The following FMN1 variants were observed in gnomAD, a reference collection of about 807,000 sequenced individuals.
FMN1 encodes the protein formin-1.
FMN1 carries 110 observed loss-of-function variants against 132.4 expected under a neutral mutation model. The ratio of observed to expected loss-of-function variants is 0.83; its 90% CI spans 0.71 to 0.97. FMN1 has a LOEUF of 0.97. Among genes scored for constraint, FMN1 ranks in the 50% least tolerant of loss-of-function variants. The pLI is 0.00. For missense variants in FMN1, 1,792 were observed against 1,705.3 expected (o/e 1.05, Z -0.90); for synonymous variants, 722 against 651.7 (o/e 1.11, Z -1.64).
chr15:32,935,694 C>G (rs532679860), intron 9 of FMN1, among the ~76,000 whole-genome samples: 7 of 151,852 alleles, frequency 4.6e-5, no homozygotes, highest in African/African-American at 1.7e-4. Flanking sequence ...ATGGCGTGAT[C>G]TTGGCTCACT....
chr15:33,062,317 T>C (rs1206836252), intron 6 of FMN1, among the ~76,000 whole-genome samples: 2 of 152,142 alleles, frequency 1.3e-5, no homozygotes, highest in Non-Finnish European at 2.9e-5. Flanking sequence ...GTAAAACTCA[T>C]TTAAAGAGTT....
In FMN1 at chr15:33,154,330, C is replaced by A; in HGVS notation, c.585G>T (p.Lys195Asn). The A allele has an allele frequency of 6.5e-7, 1 of 1,536,134 alleles. No homozygotes were observed. ...GAGGAAGGGAGTGGCTGGAACAGAT[C>A]TTGTCCTTGCCCATCAGAGGAGCTG... Reference protein sequence around the residue: ...RESAPLMGKDKICSSHSLPLS... With the variant: ...RESAPLMGKDNICSSHSLPLS... Residue 195 changes from lysine to asparagine, a missense_variant, in exon 4 of 21, where the codon AAG becomes AAT. Around this residue, in one of 3 missense-constraint regions of FMN1, gnomAD observed 638 missense variants for 645.2 expected, o/e 0.99. Transcript: ENST00000616417.
At chr15:33,084,845 C>T (rs2038626796) in intron 5 of FMN1, among the ~76,000 whole-genome samples, 1 of 152,162 alleles carries the variant, frequency 6.6e-6, no homozygotes, top group Non-Finnish European at 1.5e-5. Flanking sequence ...TCACGGATGC[C>T]AACTCCCACC....
intron 17 of FMN1, among the ~76,000 whole-genome samples, chr15:32,812,127 CAG>C (rs1481049615): frequency 2.0e-5 from 3 of 152,154 alleles, no homozygotes; most frequent in Non-Finnish European, 2.9e-5. Context: ...CTGCAGAACA[CAG>C]AAAAGGATTT....
chr15:33,013,074 G>A (rs2034823528), intron 6 of FMN1: 1 of 409,152 alleles, frequency 2.4e-6, no homozygotes, highest in Non-Finnish European at 4.8e-6. Context: ...TTTAATTACT[G>A]CCAGGAAACA....
chr15:32,905,537 G>A (rs1044662464), intron 12 of FMN1, among the ~76,000 whole-genome samples: 3 of 152,196 alleles, frequency 2.0e-5, no homozygotes, highest in East Asian at 3.9e-4. Flanking sequence ...AAGAGTCAAC[G>A]GCCATCCCTA....
chr15:32,867,363 A>G (rs2059414830), intron 16 of FMN1, among the ~76,000 whole-genome samples: 1 of 152,132 alleles, frequency 6.6e-6, no homozygotes, highest in South Asian at 2.1e-4. Context: ...TCCCTGCCAC[A>G]GTGGCCCTTC....
At chr15:32,992,684 CTGTG>C (rs1366398917) in intron 7 of FMN1, among the ~76,000 whole-genome samples, 2 of 152,046 alleles carry the variant, frequency 1.3e-5, no homozygotes, top group African/African-American at 4.8e-5. Flanking sequence ...AATCATTTTC[CTGTG>C]TGTATGTGCA....
At chr15:32,778,091 T>G (rs190314109) in intron 19 of FMN1, among the ~76,000 whole-genome samples, 743 of 28,498 alleles carry the variant, frequency 0.026, 57 homozygotes, top group Non-Finnish European at 0.04. Context: ...TATAATACAT[T>G]TATTATATAT....
chr15:32,831,096 C>T (rs1391346614), intron 17 of FMN1, among the ~76,000 whole-genome samples: 1 of 152,156 alleles, frequency 6.6e-6, no homozygotes, highest in Non-Finnish European at 1.5e-5. Context: ...GTTCAATTTC[C>T]TCCTTTGTAA....
chr15:32,880,966 T>C (rs1157359580), intron 16 of FMN1, among the ~76,000 whole-genome samples: 1 of 152,216 alleles, frequency 6.6e-6, no homozygotes, highest in Non-Finnish European at 1.5e-5. Flanking sequence ...CTTTAAACTT[T>C]TGTCTCCTAA....
At chr15:33,012,804 C>T in intron 6 of FMN1, 1 of 674,246 alleles carries the variant, frequency 1.5e-6, no homozygotes, top group Non-Finnish European at 2.8e-6. Context: ...GCTTTAGTGG[C>T]AGCTGTGGTG....
chr15:33,048,902 A>G (rs897830042), intron 6 of FMN1, among the ~76,000 whole-genome samples: 59 of 152,334 alleles, frequency 3.9e-4, no homozygotes, highest in African/African-American at 1.4e-3. Flanking sequence ...GGAATTCAAG[A>G]TAAGATTTGG....
intron 17 of FMN1, among the ~76,000 whole-genome samples, chr15:32,849,326 G>T (rs950131900): frequency 2.0e-5 from 3 of 151,548 alleles, no homozygotes; most frequent in Non-Finnish European, 4.4e-5. Context: ...CTCACTGTTA[G>T]GTAGTATTCA....
intron 3 of FMN1, among the ~76,000 whole-genome samples, chr15:33,158,434 TAAAAAAAAAGA>T (rs1168761179): frequency 7.1e-6 from 1 of 140,228 alleles, no homozygotes; most frequent in Admixed American, 7.1e-5. Flanking sequence ...GCTACTATTA[TAAAAAAAAAGA>T]AAAAAAAAAA....
In FMN1 at chr15:33,101,946, T is replaced by C. The variant is rs2039309626; in HGVS notation, c.1868-12972A>G. On this transcript the variant is annotated intron_variant, in intron 4 of 20. Transcript: ENST00000616417. ...ATAATACACTTCCTTGTCTATTCAC[T>C]TTATTTGGACTGACTGTATACCAGT... is the stretch of plus-strand genomic sequence containing the variant. 3.9e-5 allele frequency among the ~76,000 whole-genome samples: 6 copies of C among 152,158 alleles called. No homozygotes were observed. In the South Asian group the frequency reaches 1.2e-3, roughly 32 times the overall value.
At chr15:32,897,636 G>A (rs890427400) in intron 15 of FMN1, among the ~76,000 whole-genome samples, 1 of 152,162 alleles carries the variant, frequency 6.6e-6, no homozygotes, top group African/African-American at 2.4e-5. Flanking sequence ...AATTAAATTC[G>A]TAGAGTCCTA....
At chr15:32,869,660 T>C (rs1331533249) in intron 16 of FMN1, among the ~76,000 whole-genome samples, 1 of 152,038 alleles carries the variant, frequency 6.6e-6, no homozygotes, top group Non-Finnish European at 1.5e-5. Context: ...AGAGAAGGTG[T>C]TGCAGGACAA....
At chr15:32,882,973 A>T (rs558233745) in intron 16 of FMN1, among the ~76,000 whole-genome samples, 36 of 152,378 alleles carry the variant, frequency 2.4e-4, no homozygotes, top group African/African-American at 8.7e-4. Flanking sequence ...GGCTGTAAGA[A>T]GCCAGAATCA....
Sources: allele counts gnomAD v4.1 joint callset (sites outside exome capture counted in the v4.1 genomes callset), GRCh38; gene constraint gnomAD v4.1.1; regional missense constraint gnomAD v4.1.1; transcripts MANE v1.5; gene names NCBI Gene and HGNC (gene_info 2026-07-23, HGNC 2026-07-21).